PDE7B: variants seen among roughly 807,000 people sequenced by gnomAD.
PDE7B encodes the protein phosphodiesterase 7B.
Under a neutral mutation model 56.2 loss-of-function variants are expected in PDE7B, and 29 were observed. The observed-to-expected ratio is 0.52, with a 90% CI of 0.38 to 0.70. PDE7B has a LOEUF of 0.70. PDE7B is among the 30% of genes least tolerant of loss of function. The pLI is 0.00. For synonymous variants in PDE7B, 197 were observed against 196.9 expected, an observed-to-expected ratio of 1.00 and a Z score of 0.00; for missense variants, 490 against 565.0, an observed-to-expected ratio of 0.87 and a Z score of 1.35.
chr6:136,051,840 CACA>C (rs1490289462), intron 2 of PDE7B, among the ~76,000 whole-genome samples: 4 of 152,080 alleles, frequency 2.6e-5, no homozygotes, highest in Non-Finnish European at 5.9e-5. Context: ...CATTGCCCAC[CACA>C]ACAATATACT....
At chr6:136,009,049 A>T (rs975638632) in intron 2 of PDE7B, among the ~76,000 whole-genome samples, 13 of 151,780 alleles carry the variant, frequency 8.6e-5, no homozygotes, top group Non-Finnish European at 1.8e-4. Flanking sequence ...AGCTTTCTAC[A>T]TATGGCTAGC....
At chr6:136,179,897 C>G (rs1207367768) in intron 10 of PDE7B, among the ~76,000 whole-genome samples, 1 of 152,210 alleles carries the variant, frequency 6.6e-6, no homozygotes, top group Admixed American at 6.5e-5. Flanking sequence ...TTCTGTTTTA[C>G]TCCACGGCAA....
intron 2 of PDE7B, among the ~76,000 whole-genome samples, chr6:136,068,969 ATC>A (rs1776998718): frequency 6.6e-6 from 1 of 152,146 alleles, no homozygotes; most frequent in East Asian, 1.9e-4. Flanking sequence ...GCGACAAAGC[ATC>A]TGTTTTGTCA....
intron 1 of PDE7B, among the ~76,000 whole-genome samples, chr6:135,869,094 G>A (rs1044645508): frequency 6.6e-6 from 1 of 152,170 alleles, no homozygotes; most frequent in East Asian, 1.9e-4. Flanking sequence ...ACACATATGA[G>A]GGCATAAAAC....
At chr6:136,119,315 T>C (rs910604593) in intron 3 of PDE7B, among the ~76,000 whole-genome samples, 2 of 152,258 alleles carry the variant, frequency 1.3e-5, no homozygotes, top group African/African-American at 4.8e-5. Context: ...TCTAGATGAT[T>C]ATTGTTCTTC....
intron 2 of PDE7B, among the ~76,000 whole-genome samples, chr6:136,075,705 T>A (rs1190647146): frequency 1.3e-5 from 2 of 152,216 alleles, no homozygotes; most frequent in Admixed American, 1.3e-4. Flanking sequence ...TTCCTTCTTC[T>A]TGGAGTCCCT....
intron 2 of PDE7B, among the ~76,000 whole-genome samples, chr6:135,972,611 A>T (rs906067995): frequency 6.6e-6 from 1 of 152,042 alleles, no homozygotes; most frequent in Non-Finnish European, 1.5e-5. Flanking sequence ...GATGGGAAGT[A>T]TTTTTTTGCA....
At chr6:136,044,877 G>T (rs956482363) in intron 2 of PDE7B, 14 of 151,888 alleles carry the variant, frequency 9.2e-5, no homozygotes, top group African/African-American at 3.4e-4. Flanking sequence ...ATGGAGGATG[G>T]TATTCCCAAG....
intron 2 of PDE7B, among the ~76,000 whole-genome samples, chr6:136,099,279 G>A (rs1000107672): frequency 6.6e-5 from 10 of 152,108 alleles, no homozygotes; most frequent in Non-Finnish European, 4.4e-5. Context: ...ATAATCCTTT[G>A]GGTATATACC....
At chr6:136,114,563 GCAGA>G (rs1173972923) in intron 3 of PDE7B, among the ~76,000 whole-genome samples, 3 of 152,100 alleles carry the variant, frequency 2.0e-5, no homozygotes, top group Non-Finnish European at 4.4e-5. Context: ...AGAATTCTTG[GCAGA>G]CAGTTACAGC....
chr6:136,082,971 A>G (rs973220509), intron 2 of PDE7B, among the ~76,000 whole-genome samples: 79 of 152,214 alleles, frequency 5.2e-4, no homozygotes, highest in African/African-American at 1.7e-3. Flanking sequence ...AAATATAAAG[A>G]TTGAAGAGGA....
At chr6:136,021,177 A>G (rs908391569) in intron 2 of PDE7B, among the ~76,000 whole-genome samples, 2 of 152,154 alleles carry the variant, frequency 1.3e-5, no homozygotes, top group Non-Finnish European at 2.9e-5. Flanking sequence ...TACTCAGACT[A>G]CCTACTTGAC....
intron 1 of PDE7B, among the ~76,000 whole-genome samples, chr6:135,881,064 C>T (rs1775600118): frequency 6.6e-6 from 1 of 152,040 alleles, no homozygotes; most frequent in African/African-American, 2.4e-5. Context: ...TACAGAGACC[C>T]CATGGGGAGG....
At chr6:135,957,801 G>A (rs1350178472) in intron 2 of PDE7B, among the ~76,000 whole-genome samples, 1 of 151,984 alleles carries the variant, frequency 6.6e-6, no homozygotes, top group Non-Finnish European at 1.5e-5. Context: ...GTTATTTTTT[G>A]ACCTGTCTTG....
intron 2 of PDE7B, among the ~76,000 whole-genome samples, chr6:136,074,469 T>C (rs1583866900): frequency 6.6e-6 from 1 of 152,186 alleles, no homozygotes; most frequent in African/African-American, 2.4e-5. Context: ...TATTTTTAAA[T>C]GTGTGATAAA....
intron 1 of PDE7B, among the ~76,000 whole-genome samples, chr6:135,893,949 A>G (rs1419048848): frequency 6.6e-6 from 1 of 152,194 alleles, no homozygotes; most frequent in Non-Finnish European, 1.5e-5. Flanking sequence ...CACCAAAAGC[A>G]TTTATTCCAG....
At chr6:135,999,037 C>A (rs913670375) in intron 2 of PDE7B, among the ~76,000 whole-genome samples, 9 of 151,988 alleles carry the variant, frequency 5.9e-5, no homozygotes, top group African/African-American at 1.9e-4. Context: ...AATTTATCAC[C>A]TTTTCTCTGC....
At chr6:135,970,174 A>C (rs1775069733) in intron 2 of PDE7B, among the ~76,000 whole-genome samples, 1 of 152,186 alleles carries the variant, frequency 6.6e-6, no homozygotes, top group South Asian at 2.1e-4. Context: ...CTTCATTGGT[A>C]GAGATAAATA....
intron 2 of PDE7B, among the ~76,000 whole-genome samples, chr6:135,986,967 A>T (rs891701819): frequency 1.3e-5 from 2 of 152,220 alleles, no homozygotes; most frequent in African/African-American, 4.8e-5. Context: ...ACCTGCAGAT[A>T]GCCTTGAAGC....
Sources: gnomAD v4.1 joint callset for allele counts (sites outside exome capture counted in the v4.1 genomes callset) on GRCh38, gnomAD v4.1.1 for gene constraint, MANE v1.5 for transcripts, NCBI Gene and HGNC (gene_info 2026-07-23, HGNC 2026-07-21) for gene names.